The following KIRREL1 variants were observed in gnomAD, a reference collection of about 807,000 sequenced individuals.
KIRREL1 encodes kin of IRRE-like protein 1.
In KIRREL1, 25 loss-of-function variants were observed where a neutral mutation model predicts 83.3. The observed-to-expected ratio is 0.30, with a 90% confidence interval of 0.22 to 0.42. KIRREL1 has a LOEUF of 0.42. Ranked by LOEUF, KIRREL1 falls within the 10% of genes least tolerant of loss-of-function variation. The pLI is 1.00. For missense variants in KIRREL1, 812 were observed against 1,032.3 expected (o/e 0.79, Z 2.92); for synonymous variants, 388 against 410.4 (o/e 0.95, Z 0.66).
chr1:158,065,317 T>G (rs1157174147), intron 1 of KIRREL1, among the ~76,000 whole-genome samples: 4 of 152,250 alleles, frequency 2.6e-5, no homozygotes, highest in Non-Finnish European at 4.4e-5. Context: ...TTAGAAGCTC[T>G]GTTGGTAACA....
Position 158,052,732 on chromosome 1 carries a change from G to A in KIRREL1, c.53-23381G>A, listed in dbSNP as rs541972356. Among the ~76,000 whole-genome samples the A allele has an allele frequency of 2.6e-5, 4 of 152,220 alleles. No individual in the cohort carries two copies. The South Asian group carries it at 8.3e-4, about 32-fold the overall frequency. The stretch of plus-strand genomic sequence containing the variant: ...ACCCGGGAGGCTGAGCTTGCAGTGA[G>A]CCGAGATAGCGCCACTGCACTCCAG... On this transcript the variant is annotated intron_variant, in intron 1 of 14. Coordinates refer to ENST00000359209, the MANE Select transcript of KIRREL1 (RefSeq NM_018240.7).
chr1:158,071,285 G>T (rs1009577152), intron 1 of KIRREL1, among the ~76,000 whole-genome samples: 2 of 152,122 alleles, frequency 1.3e-5, no homozygotes, highest in Non-Finnish European at 2.9e-5. Flanking sequence ...CCTCTGCGTG[G>T]GTGTCTGTCT....
At chr1:158,056,779 C>G (rs1222490215) in intron 1 of KIRREL1, among the ~76,000 whole-genome samples, 1 of 152,202 alleles carries the variant, frequency 6.6e-6, no homozygotes, top group Non-Finnish European at 1.5e-5. Flanking sequence ...GAGCAGCTGG[C>G]TGGGCGGGGG....
In KIRREL1 at chr1:158,076,151, A is replaced by T; in HGVS notation, c.91A>T (p.Thr31Ser). 1.2e-6 allele frequency: 2 copies of T among 1,614,098 alleles called. No homozygotes were observed. The highest frequency in any genetic ancestry group is 1.7e-6 in the Non-Finnish European group (2 of 1,180,008). The change falls in exon 2 of 15, where the codon ACG becomes TCG. Residue 31 changes from threonine to serine, a missense_variant. Physicochemically the swap from Thr to Ser is moderately conservative, Grantham distance 58 (BLOSUM62 1). Transcript: ENST00000359209. ...CTTCAGCCAGGAGCCAGCTGACCAG[A>T]CGGTGGTGGCTGGACAGCGGGCCGT... Reference protein sequence around the residue: ...TRFSQEPADQTVVAGQRAVLP... With the variant: ...TRFSQEPADQSVVAGQRAVLP...
At chr1:158,072,634 A>C (rs1212822334) in intron 1 of KIRREL1, among the ~76,000 whole-genome samples, 2 of 152,038 alleles carry the variant, frequency 1.3e-5, no homozygotes, top group East Asian at 3.9e-4. Flanking sequence ...GTGCAAGGGC[A>C]TGAAGAGGTG....
chr1:158,088,274 A>G, intron 7 of KIRREL1, 53 bp from the exon 8 acceptor site: 1 of 1,601,064 alleles, frequency 6.2e-7, no homozygotes. Flanking sequence ...GATTGATTGG[A>G]GTTAACCCCA....
chr1:158,010,075 C>G (rs1013388144), intron 1 of KIRREL1, among the ~76,000 whole-genome samples: 1 of 152,044 alleles, frequency 6.6e-6, no homozygotes, highest in Non-Finnish European at 1.5e-5. Context: ...AAGATTCTTT[C>G]TGGCTGCACA....
chr1:158,023,771 A>G (rs1421129092), intron 1 of KIRREL1, among the ~76,000 whole-genome samples: 1 of 152,218 alleles, frequency 6.6e-6, no homozygotes, highest in Non-Finnish European at 1.5e-5. Flanking sequence ...AGATGGAGTC[A>G]ATCCAGGACG....
intron 1 of KIRREL1, among the ~76,000 whole-genome samples, chr1:158,002,681 A>G (rs1195848163): frequency 4.6e-5 from 7 of 152,110 alleles, no homozygotes; most frequent in African/African-American, 1.7e-4. Context: ...TATAAGATAA[A>G]GGTTGTGAGA....
rs183786847 is a variant in KIRREL1 at position 158,004,699 on chromosome 1, T to C, written c.52+10971T>C. Among the ~76,000 whole-genome samples, 969 of 152,248 alleles carry C rather than the reference T, an allele frequency of 6.4e-3. 5 individuals carry two copies. Among genetic ancestry groups the C allele is most frequent in the Non-Finnish European group, 8.5e-3 (581 of 68,004 alleles). ...TGGCTCATACCTGTAATCCCAGCAC[T>C]TTGGGAGGTCCAGGTGGGCGCATCA... On this transcript the variant is annotated intron_variant, in intron 1 of 14. Coordinates refer to ENST00000359209, the MANE Select transcript of KIRREL1 (RefSeq NM_018240.7).
intron 1 of KIRREL1, among the ~76,000 whole-genome samples, chr1:158,023,676 A>G (rs1660069000): frequency 6.6e-6 from 1 of 152,184 alleles, no homozygotes; most frequent in African/African-American, 2.4e-5. Context: ...TGCACCGGGA[A>G]AATCATTTTA....
chr1:158,026,867 C>T (rs528782493), intron 1 of KIRREL1, among the ~76,000 whole-genome samples: 1 of 152,020 alleles, frequency 6.6e-6, no homozygotes, highest in African/African-American at 2.4e-5. Flanking sequence ...TGCTCTGCAC[C>T]CCCCCACCCC....
chr1:158,096,635 C>T lies in KIRREL1; in HGVS notation c.*1515C>T. On this transcript the variant is annotated 3_prime_UTR_variant, in exon 15 of 15. Coordinates refer to ENST00000359209, the MANE Select transcript of KIRREL1 (RefSeq NM_018240.7). ...AGGGCACCGCAGGCATTACACAGGCCATTTCTCCTCCTCCATGTGCACGCA... is the reference window on the plus strand; with the variant it reads ...AGGGCACCGCAGGCATTACACAGGCTATTTCTCCTCCTCCATGTGCACGCA... The T allele has an allele frequency of 2.2e-6, 1 of 456,792 alleles. No homozygotes were observed. Among genetic ancestry groups the T allele is most frequent in the South Asian group, 1.5e-5 (1 of 64,558 alleles). The allele number at this position is 456,792 out of a possible 1,614,324, so 28.3% of individuals were successfully genotyped here. A position where few individuals can be genotyped will look rare whatever the true frequency, so the allele number is the denominator to read the frequency against.
At position 158,076,114 on chromosome 1, in the gene KIRREL1, G is replaced by A. The variant is rs758969672; in HGVS notation, c.54G>A (p.Gly18=). 8 of 1,613,548 alleles carry A rather than the reference G, an allele frequency of 5.0e-6. No individual in the cohort carries two copies. In the Admixed American group the frequency reaches 8.3e-5, roughly 17 times the overall value. The part of the protein sequence containing the change: ...ILTLSDTFSQ[G]TQTRFSQEPA... ...CCAGTGCTGGCTTTGGCTTTGCAGG[G>A]ACCCAGACCCGCTTCAGCCAGGAGC... The change falls in exon 2 of 15, where the codon GGG becomes GGA. Residue 18 remains glycine, a splice_region_variant and synonymous_variant. Transcript: ENST00000359209.
intron 1 of KIRREL1, among the ~76,000 whole-genome samples, chr1:158,060,764 A>C (rs76851698): frequency 0.04 from 6,074 of 152,260 alleles, 404 homozygotes; most frequent in African/African-American, 0.14. Context: ...CAAGGTATTG[A>C]GGAATGCTGG....
At chr1:158,075,250 C>T (rs921282744) in intron 1 of KIRREL1, among the ~76,000 whole-genome samples, 3 of 152,224 alleles carry the variant, frequency 2.0e-5, no homozygotes, top group African/African-American at 4.8e-5. Context: ...AAGGCAATTA[C>T]TCTGCAGTTC....
Position 158,094,942 on chromosome 1 carries a change from C to T in KIRREL1, c.2096C>T (p.Ala699Val), listed in dbSNP as rs1304571025. The change falls in exon 15 of 15, where the codon GCT (alanine) becomes GTT (valine). Residue 699 changes from alanine (A) to valine (V), a missense_variant. Coordinates refer to ENST00000359209, the MANE Select transcript of KIRREL1 (RefSeq NM_018240.7). This position sits in a 1 kb window ranked among gnomAD's most constrained non-coding sequence, Gnocchi z 4.6. The stretch of plus-strand genomic sequence containing the variant: ...AACTCCCATCCCTTCCCTGGGGCAG[C>T]TGGGTACCCCACCTACCGACTGGGC... ...KFNSHPFPGAAGYPTYRLGYP... is the reference protein window; with the variant it reads ...KFNSHPFPGAVGYPTYRLGYP... The T allele has an allele frequency of 2.5e-6, 4 of 1,613,912 alleles. No individual in the cohort carries two copies. Among genetic ancestry groups the T allele is most frequent in the Non-Finnish European group, 3.4e-6 (4 of 1,179,980 alleles).
chr1:158,076,611 G>T (rs1439914303), intron 2 of KIRREL1, among the ~76,000 whole-genome samples: 7 of 152,238 alleles, frequency 4.6e-5, no homozygotes, highest in Non-Finnish European at 7.3e-5. Context: ...TCCAGAGTCT[G>T]CAGCAAGGGT....
chr1:158,009,185 T>C (rs1383086929), intron 1 of KIRREL1, among the ~76,000 whole-genome samples: 1 of 152,194 alleles, frequency 6.6e-6, no homozygotes, highest in East Asian at 1.9e-4. Context: ...TGCCCCAAGC[T>C]TCTTCAGGTC....
Sources: allele counts gnomAD v4.1 joint callset (sites outside exome capture counted in the v4.1 genomes callset), GRCh38; gene constraint gnomAD v4.1.1; non-coding constraint Gnocchi (gnomAD v3.1); transcripts MANE v1.5; gene names NCBI Gene and HGNC (gene_info 2026-07-23, HGNC 2026-07-21).